Variants in MEI4 observed in about 807,000 individuals in gnomAD.
The protein encoded by MEI4 is meiotic double-stranded break formation protein 4, also known as meiosis-specific protein MEI4.
MEI4 carries 27 observed loss-of-function variants against 31.4 expected under a neutral mutation model. The ratio of observed to expected loss-of-function variants is 0.86; its 90% CI spans 0.63 to 1.19. The LOEUF is 1.19. Among genes scored for constraint, MEI4 ranks in the 50% most tolerant of loss-of-function variants. MEI4 has a pLI of 0.00. For synonymous variants in MEI4, 122 were observed against 145.4 expected, an observed-to-expected ratio of 0.84 and a Z score of 1.16; for missense variants, 329 against 398.9, an observed-to-expected ratio of 0.82 and a Z score of 1.49.
rs9294082 is a variant in MEI4, at chr6:77,763,800, G to C, written c.768+2135G>C. 2.0e-5 allele frequency among the ~76,000 whole-genome samples: 3 copies of C among 151,988 alleles called. No individual in the cohort carries two copies. The South Asian group carries it at 6.2e-4, about 32-fold the overall frequency. On this transcript the variant is annotated intron_variant, in intron 3 of 4. Coordinates refer to ENST00000684080, the MANE Select transcript of MEI4 (RefSeq NM_001322247.2). ...TTTGGTAGGATTCACCTGTGTAGTC[G>C]TCAGATTATTTGTTGGGAGACTTTT... is the stretch of plus-strand genomic sequence containing the variant.
intron 4 of MEI4, among the ~76,000 whole-genome samples, chr6:77,918,920 C>T (rs1271052283): frequency 1.3e-5 from 2 of 151,948 alleles, no homozygotes; most frequent in Admixed American, 6.6e-5. Flanking sequence ...ATAGATAGCA[C>T]TTATTATTTT....
chr6:77,772,468 AT>A (rs1768341812), intron 3 of MEI4, among the ~76,000 whole-genome samples: 1 of 152,022 alleles, frequency 6.6e-6, no homozygotes, highest in Admixed American at 6.6e-5. Context: ...GACAAAAAAC[AT>A]GATTATTTCA....
At chr6:77,875,594 A>G (rs1771314474) in intron 4 of MEI4, among the ~76,000 whole-genome samples, 1 of 152,238 alleles carries the variant, frequency 6.6e-6, no homozygotes, top group Non-Finnish European at 1.5e-5. Context: ...CATTCAAAAA[A>G]TCAGAAATCC....
At chr6:77,659,586 G>T (rs1489410192) in intron 1 of MEI4, among the ~76,000 whole-genome samples, 2 of 152,260 alleles carry the variant, frequency 1.3e-5, no homozygotes, top group South Asian at 2.1e-4. Context: ...TATTTTTGGG[G>T]CTGGGTATAA....
rs544482721 is a variant in MEI4, at chr6:77,699,561, A to T, written c.232+8658A>T. ...AGCTCGGAGTGGTTTGATCGTCTGA[A>T]GCCTTCTTCTCTCAATTCGTCAAAG... is the stretch of plus-strand genomic sequence containing the variant. On this transcript the variant is annotated intron_variant, in intron 2 of 4. Coordinates refer to ENST00000684080, the MANE Select transcript of MEI4 (RefSeq NM_001322247.2). Among the ~76,000 whole-genome samples, 3 of 152,264 alleles carry T rather than the reference A, an allele frequency of 2.0e-5. No individual in the cohort carries two copies. In the East Asian group the frequency reaches 5.8e-4, roughly 29 times the overall value.
intron 3 of MEI4, among the ~76,000 whole-genome samples, chr6:77,786,131 TTTTC>T (rs1423184985): frequency 6.6e-6 from 1 of 152,164 alleles, no homozygotes; most frequent in African/African-American, 2.4e-5. Context: ...GATTAAACTA[TTTTC>T]TTAATGTTCT....
chr6:77,902,439 A>G (rs1053195696), intron 4 of MEI4, among the ~76,000 whole-genome samples: 4 of 152,022 alleles, frequency 2.6e-5, no homozygotes, highest in Admixed American at 1.3e-4. Context: ...GGTTAAATGT[A>G]TTCTTAAGTA....
intron 4 of MEI4, among the ~76,000 whole-genome samples, chr6:77,885,359 T>A (rs1771594099): frequency 6.6e-6 from 1 of 151,880 alleles, no homozygotes; most frequent in African/African-American, 2.4e-5. Flanking sequence ...CTAATTTTTA[T>A]TTTTGTGTTT....
intron 2 of MEI4, among the ~76,000 whole-genome samples, chr6:77,695,961 C>T (rs561276470): frequency 7.2e-5 from 11 of 152,216 alleles, no homozygotes; most frequent in Admixed American, 5.2e-4. Context: ...TTGTAGTTCT[C>T]CTTGAAGAGG....
At chr6:77,650,957 C>T (rs1232165798), upstream of MEI4, among the ~76,000 whole-genome samples, 1 of 152,178 alleles carries the variant, frequency 6.6e-6, no homozygotes, top group Non-Finnish European at 1.5e-5. Context: ...TTTTATTAAG[C>T]ACCCATTCTA....
chr6:77,687,471 C>T (rs77638970), intron 1 of MEI4, among the ~76,000 whole-genome samples: 13,971 of 152,032 alleles, frequency 0.092, 932 homozygotes, highest in East Asian at 0.31. Flanking sequence ...TTCAACAGTT[C>T]ACCTCAATTC....
intron 4 of MEI4, among the ~76,000 whole-genome samples, chr6:77,883,745 A>ATATATATCTATCTATCTAT (rs55947073): frequency 7.2e-4 from 59 of 82,314 alleles, no homozygotes; most frequent in African/African-American, 2.9e-3. Context: ...TATATATATA[A>ATATATATCTATCTATCTAT]CTTTGTCTTT....
chr6:77,749,635 A>G (rs1187130683), intron 2 of MEI4, among the ~76,000 whole-genome samples: 3 of 96,976 alleles, frequency 3.1e-5, no homozygotes, highest in Non-Finnish European at 6.0e-5. Context: ...GAACAAATCT[A>G]TGCTTGATTG....
intron 3 of MEI4, among the ~76,000 whole-genome samples, chr6:77,801,793 GTT>G (rs1378332502): frequency 6.6e-6 from 1 of 152,168 alleles, no homozygotes; most frequent in Non-Finnish European, 1.5e-5. Flanking sequence ...TTTTGAGTGA[GTT>G]TCTGAATCCT....
At chr6:77,726,736 G>A (rs749075154) in intron 2 of MEI4, among the ~76,000 whole-genome samples, 8 of 152,176 alleles carry the variant, frequency 5.3e-5, no homozygotes, top group Non-Finnish European at 7.3e-5. Context: ...GAGAAGATAG[G>A]TGTATTCTAA....
chr6:77,733,334 C>T (rs1376243531), intron 2 of MEI4, among the ~76,000 whole-genome samples: 1 of 152,016 alleles, frequency 6.6e-6, no homozygotes, highest in Non-Finnish European at 1.5e-5. Flanking sequence ...AGAGATTCAA[C>T]TTCTTCCTGG....
In MEI4 at chr6:77,864,107, T is replaced by G. The variant is rs555765894; in HGVS notation, c.900+35045T>G. 3.3e-5 allele frequency among the ~76,000 whole-genome samples: 5 copies of G among 152,260 alleles called. No homozygotes were observed. In the East Asian group the frequency reaches 5.8e-4, roughly 18 times the overall value. The stretch of plus-strand genomic sequence containing the variant: ...ACTAAACATGGAAAGGAACAATCGG[T>G]ACCAGCCACTGCAAAAACATGCCAA... On this transcript the variant is annotated intron_variant, in intron 4 of 4. Coordinates refer to ENST00000684080, the MANE Select transcript of MEI4 (RefSeq NM_001322247.2).
At chr6:77,684,707 AG>A (rs1769020617) in intron 1 of MEI4, among the ~76,000 whole-genome samples, 1 of 152,166 alleles carries the variant, frequency 6.6e-6, no homozygotes, top group Non-Finnish European at 1.5e-5. Flanking sequence ...GGCTGAATAT[AG>A]TACTCCATTG....
intron 2 of MEI4, among the ~76,000 whole-genome samples, chr6:77,719,294 G>C (rs1484026263): frequency 1.5e-5 from 2 of 136,594 alleles, no homozygotes; most frequent in African/African-American, 2.8e-5. Flanking sequence ...TTTCCCTTTA[G>C]GTCTAAATTT....
Sources: allele counts gnomAD v4.1 joint callset (sites outside exome capture counted in the v4.1 genomes callset), GRCh38; gene constraint gnomAD v4.1.1; transcripts MANE v1.5; gene names NCBI Gene and HGNC (gene_info 2026-07-23, HGNC 2026-07-21).